The following LHFPL3 variants were observed in gnomAD, a reference collection of about 807,000 sequenced individuals.
LHFPL3 encodes the protein LHFPL tetraspan subfamily member 3 protein.
Under a neutral mutation model 19.3 loss-of-function variants are expected in LHFPL3, and 5 were observed. The observed-to-expected ratio is 0.26, with a 90% CI of 0.14 to 0.54. The LOEUF is 0.54. LHFPL3 is among the 20% of genes least tolerant of loss of function. LHFPL3 has a pLI of 0.94. For synonymous variants in LHFPL3, 133 were observed against 126.2 expected (o/e 1.05, Z -0.36); for missense variants, 249 against 307.4 (o/e 0.81, Z 1.42).
intron 1 of LHFPL3, among the ~76,000 whole-genome samples, chr7:104,576,652 G>GTTTGTTTTGT (rs968761887): frequency 6.6e-6 from 1 of 151,768 alleles, no homozygotes; most frequent in African/African-American, 2.4e-5. Context: ...TTGTTTGTTT[G>GTTTGTTTTGT]TTTGTTTTGT....
chr7:104,504,158 C>T (rs1487759615), intron 1 of LHFPL3, among the ~76,000 whole-genome samples: 1 of 152,134 alleles, frequency 6.6e-6, no homozygotes, highest in Non-Finnish European at 1.5e-5. Context: ...ACGCTCTCTA[C>T]TTCTTTATGT....
At chr7:104,434,576 G>C (rs1319888953) in intron 1 of LHFPL3, among the ~76,000 whole-genome samples, 1 of 152,104 alleles carries the variant, frequency 6.6e-6, no homozygotes, top group Non-Finnish European at 1.5e-5. Context: ...AGTATCCCAG[G>C]TCCACTTCAC....
At chr7:104,442,080 G>C (rs1792236642) in intron 1 of LHFPL3, among the ~76,000 whole-genome samples, 1 of 149,774 alleles carries the variant, frequency 6.7e-6, no homozygotes. Context: ...TTTTTTTTCA[G>C]AATAGCCATT....
At chr7:104,356,884 C>T (rs1790287392) in intron 1 of LHFPL3, among the ~76,000 whole-genome samples, 1 of 152,188 alleles carries the variant, frequency 6.6e-6, no homozygotes, top group African/African-American at 2.4e-5. Flanking sequence ...AACCCAGCCA[C>T]ACAGCAGGAG....
intron 2 of LHFPL3, among the ~76,000 whole-genome samples, chr7:104,825,772 A>G (rs1790805526): frequency 6.6e-6 from 1 of 151,924 alleles, no homozygotes; most frequent in Non-Finnish European, 1.5e-5. Flanking sequence ...AGATAGTTGC[A>G]GCAGCTCCAA....
chr7:104,646,162 G>T (rs1321627308), intron 1 of LHFPL3, among the ~76,000 whole-genome samples: 2 of 152,114 alleles, frequency 1.3e-5, no homozygotes, highest in African/African-American at 4.8e-5. Flanking sequence ...ACATAAAAAA[G>T]AGGTAATAAC....
intron 2 of LHFPL3, among the ~76,000 whole-genome samples, chr7:104,740,406 C>G (rs1793911652): frequency 6.6e-6 from 1 of 152,196 alleles, no homozygotes; most frequent in East Asian, 1.9e-4. Flanking sequence ...ACTTTCATGT[C>G]ATGATGATGT....
chr7:104,690,152 C>T (rs1296970885), intron 1 of LHFPL3, among the ~76,000 whole-genome samples: 1 of 152,282 alleles, frequency 6.6e-6, no homozygotes, highest in Non-Finnish European at 1.5e-5. Context: ...GTGCCAAAGA[C>T]AGATGGATCT....
At chr7:104,879,341 G>A (rs1792003926) in intron 2 of LHFPL3, among the ~76,000 whole-genome samples, 1 of 152,118 alleles carries the variant, frequency 6.6e-6, no homozygotes, top group African/African-American at 2.4e-5. Flanking sequence ...GCTTGAGCCT[G>A]GGAGGCAAGG....
chr7:104,464,301 A>G lies in LHFPL3; in HGVS notation c.445+135077A>G, dbSNP rs554505976. 2.6e-5 allele frequency among the ~76,000 whole-genome samples: 4 copies of G among 152,206 alleles called. No homozygotes were observed. The South Asian group carries it at 6.2e-4, about 24-fold the overall frequency. On this transcript the variant is annotated intron_variant, in intron 1 of 2. Transcript: ENST00000424859. ...TACAGCCCCCTTCCTGGCTGTTTTC[A>G]TGGCAGGTTTTGAGTGTCTGTGGCT...
At chr7:104,518,680 A>C (rs1793973179) in intron 1 of LHFPL3, among the ~76,000 whole-genome samples, 1 of 152,192 alleles carries the variant, frequency 6.6e-6, no homozygotes. Context: ...GCTATTCAGG[A>C]AGCTGAGGCA....
intron 1 of LHFPL3, among the ~76,000 whole-genome samples, chr7:104,581,302 AT>A (rs1790456101): frequency 6.6e-6 from 1 of 152,074 alleles, no homozygotes; most frequent in South Asian, 2.1e-4. Context: ...TCATGTGCTT[AT>A]TGCCTGTTCA....
chr7:104,808,283 C>T (rs1008482598), intron 2 of LHFPL3, among the ~76,000 whole-genome samples: 3 of 152,184 alleles, frequency 2.0e-5, no homozygotes, highest in Non-Finnish European at 4.4e-5. Context: ...ATTCATTTTT[C>T]CAATTGAACC....
At chr7:104,759,439 G>A (rs1794338588) in intron 2 of LHFPL3, among the ~76,000 whole-genome samples, 1 of 151,884 alleles carries the variant, frequency 6.6e-6, no homozygotes, top group Admixed American at 6.6e-5. Flanking sequence ...TTTTATTTCA[G>A]CATGTAATCA....
At chr7:104,692,274 A>G (rs1460721533) in intron 1 of LHFPL3, among the ~76,000 whole-genome samples, 1 of 152,244 alleles carries the variant, frequency 6.6e-6, no homozygotes, top group East Asian at 1.9e-4. Context: ...ATAGAAAAGA[A>G]AAAACCCATT....
intron 1 of LHFPL3, among the ~76,000 whole-genome samples, chr7:104,563,011 G>A (rs1381125045): frequency 1.3e-5 from 2 of 152,214 alleles, no homozygotes; most frequent in Non-Finnish European, 2.9e-5. Context: ...AGGGGTCAGG[G>A]ACCCACTTGA....
At chr7:104,587,663 T>A (rs1790609153) in intron 1 of LHFPL3, among the ~76,000 whole-genome samples, 1 of 152,050 alleles carries the variant, frequency 6.6e-6, no homozygotes, top group Non-Finnish European at 1.5e-5. Context: ...TCAAATGGTA[T>A]TTCTAGTTCT....
At chr7:104,719,723 A>G (rs148168059) in intron 1 of LHFPL3, among the ~76,000 whole-genome samples, 1 of 152,342 alleles carries the variant, frequency 6.6e-6, no homozygotes, top group East Asian at 1.9e-4. Context: ...AAGTGTTCTT[A>G]GTGCTAAAAC....
chr7:104,770,129 C>A lies in LHFPL3; in HGVS notation c.682+33218C>A, dbSNP rs1297638192. 3.3e-5 allele frequency among the ~76,000 whole-genome samples: 5 copies of A among 152,212 alleles called. No homozygotes were observed. The South Asian group carries it at 8.3e-4, about 25-fold the overall frequency. ...CAGCCTGGTACGAGATATTCTGGAA[C>A]TACAATACACTGTATCTCTTACAGA... On this transcript the variant is annotated intron_variant, in intron 2 of 2. Coordinates refer to ENST00000424859, the MANE Select transcript of LHFPL3 (RefSeq NM_199000.3).
Sources: gnomAD v4.1 joint callset for allele counts (sites outside exome capture counted in the v4.1 genomes callset) on GRCh38, gnomAD v4.1.1 for gene constraint, MANE v1.5 for transcripts, NCBI Gene and HGNC (gene_info 2026-07-23, HGNC 2026-07-21) for gene names.